The following ANAPC2 variants were observed in gnomAD, a reference collection of about 807,000 sequenced individuals.
ANAPC2 encodes the protein anaphase-promoting complex subunit 2.
ANAPC2 carries 29 observed loss-of-function variants against 84.3 expected under a neutral mutation model. That is an observed-to-expected ratio of 0.34 (90% CI 0.26 to 0.47). The LOEUF is 0.47. Ranked by LOEUF, ANAPC2 falls within the 20% of genes least tolerant of loss-of-function variation. The pLI is 1.00. For synonymous variants in ANAPC2, 571 were observed against 479.4 expected, an observed-to-expected ratio of 1.19 and a Z score of -2.50; for missense variants, 857 against 1,131.7, an observed-to-expected ratio of 0.76 and a Z score of 3.48.
In ANAPC2 at chr9:137,175,363, G is replaced by T. The variant is rs769984093; in HGVS notation, c.2130C>A (p.Pro710=). The T allele has an allele frequency of 1.9e-6, 3 of 1,611,552 alleles. No individual in the cohort carries two copies. The highest frequency in any genetic ancestry group is 2.5e-6 in the Non-Finnish European group (3 of 1,179,480). Residue 710 remains proline (P), a synonymous_variant, in exon 12 of 13, where the codon CCC becomes CCA. Transcript: ENST00000323927. ...CCTCCTCAATGACAGAGAAGGTGCCGGGGGGCTCCTCACGCAGCACACCCT... is the reference window on the plus strand; with the variant it reads ...CCTCCTCAATGACAGAGAAGGTGCCTGGGGGCTCCTCACGCAGCACACCCT... ...LQQGVLREEP[P]GTFSVIEEER...
At chr9:137,176,051 T>C (rs1336980263) in intron 10 of ANAPC2, 6 of 539,764 alleles carry the variant, frequency 1.1e-5, no homozygotes, top group East Asian at 9.5e-5. Context: ...ATAAGGTGTG[T>C]CCCGAAAAGG....
At chr9:137,179,394 C>T (rs1834292845) in intron 10 of ANAPC2, among the ~76,000 whole-genome samples, 1 of 152,168 alleles carries the variant, frequency 6.6e-6, no homozygotes, top group African/African-American at 2.4e-5. Context: ...AACCCTTCCT[C>T]CCCGAGCTGA....
rs138055967 is a variant in ANAPC2 at position 137,185,069 on chromosome 9, C to T, written c.892G>A (p.Gly298Ser). 4.9e-5 allele frequency: 76 copies of T among 1,549,708 alleles called. No homozygotes were observed. The highest frequency in any genetic ancestry group is 6.1e-5 in the Non-Finnish European group (70 of 1,148,768). Residue 298 changes from glycine (G) to serine (S), a missense_variant, in exon 4 of 13, where the codon GGC (glycine) becomes AGC (serine). Transcript: ENST00000323927. ...EFHKWIERVV[G>S]WLGKVFLQDG... is the part of the protein sequence containing the mutation. ...TGCAGGAACACCTTGCCGAGCCAGC[C>T]GACCACCCGCTCGATCCACTGTCAG...
At position 137,175,906 on chromosome 9, in the gene ANAPC2, T is replaced by C. The variant is rs76069568; in HGVS notation, c.1891-69A>G. On this transcript the variant is annotated intron_variant, in intron 10 of 12. Transcript: ENST00000323927. ...GCTCAGGCCCGTGGGCTCTGCCACC[T>C]GGTACCAGTGAGAAAGGGGCTCCCA... 8.8e-4 allele frequency: 1,318 copies of C among 1,500,488 alleles called. 11 individuals are homozygous for C. The African/African-American group carries it at 0.015, about 17-fold the overall frequency. 92.9% of individuals were successfully genotyped at this position (1,500,488 alleles called of 1,614,324 possible).
At position 137,177,831 on chromosome 9, in the gene ANAPC2, G is replaced by C. The variant is rs554408151; in HGVS notation, c.1891-1994C>G. Among the ~76,000 whole-genome samples the C allele has an allele frequency of 4.1e-4, 62 of 152,322 alleles. 1 individual carries two copies. The highest frequency in any genetic ancestry group is 7.6e-4 in the Non-Finnish European group (52 of 68,028). On this transcript the variant is annotated intron_variant, in intron 10 of 12. Coordinates refer to ENST00000323927, the MANE Select transcript of ANAPC2 (RefSeq NM_013366.4). ...TTCTTCTAAGAGGGAGATAGGAACA[G>C]AGACACGGGGGAACATCACGGGCGA...
Position 137,175,008 on chromosome 9 carries a change from C to T in ANAPC2, c.2403G>A (p.Lys801=). 1 of 1,604,972 alleles carries T rather than the reference C, an allele frequency of 6.2e-7. No homozygotes were observed. The highest frequency in any genetic ancestry group is 1.1e-5 in the South Asian group (1 of 89,466). Residue 801 remains lysine, a synonymous_variant, in exon 13 of 13, where the codon AAG becomes AAA. Transcript: ENST00000323927. Reference sequence around the variant, plus strand: ...AGACGAGCTGCTGGTCCCGCACCTTCTTCTGCAGGTAGCCCTGCAGCTCCT... The same window carrying T: ...AGACGAGCTGCTGGTCCCGCACCTTTTTCTGCAGGTAGCCCTGCAGCTCCT... The part of the protein sequence containing the change: ...DLQELQGYLQ[K]KVRDQQLVYS...
chr9:137,180,100 C>T, intron 10 of ANAPC2, 81 bp downstream of exon 10: 1 of 1,471,018 alleles, frequency 6.8e-7, no homozygotes, highest in Non-Finnish European at 9.2e-7. Flanking sequence ...ACGGGGCAGC[C>T]ACAGGCACCA....
rs750899636 is a variant in ANAPC2 at position 137,188,498 on chromosome 9, C to T, written c.35G>A (p.Ser12Asn). The change falls in exon 1 of 13, where the codon AGC becomes AAC. Residue 12 changes from serine (S) to asparagine (N), a missense_variant. By Grantham distance (46) the Ser-to-Asn change is conservative. This residue lies in a region of ANAPC2 where 428 missense variants were observed against 513.8 expected (regional missense o/e 0.83). Coordinates refer to ENST00000323927, the MANE Select transcript of ANAPC2 (RefSeq NM_013366.4). ...AAAVVVAEGDSDSRPGQELLV... is the reference protein window; with the variant it reads ...AAAVVVAEGDNDSRPGQELLV... ...CAACTCCTGTCCGGGCCGGGAGTCG[C>T]TGTCCCCCTCCGCCACCACAACTGC... 1 of 1,609,730 alleles carries T rather than the reference C, an allele frequency of 6.2e-7. No individual in the cohort carries two copies. The highest frequency in any genetic ancestry group is 1.3e-5 in the African/African-American group (1 of 74,900).
intron 10 of ANAPC2, among the ~76,000 whole-genome samples, chr9:137,177,279 A>G (rs1456287871): frequency 6.6e-6 from 1 of 152,142 alleles, no homozygotes; most frequent in African/African-American, 2.4e-5. Context: ...CCTGGAAGTC[A>G]AGTGGAATTT....
chr9:137,180,635 G>A, intron 8 of ANAPC2, 108 bp from the exon 9 acceptor site: 2 of 1,576,878 alleles, frequency 1.3e-6, no homozygotes, highest in Non-Finnish European at 1.7e-6. Context: ...AGCCTGTGTG[G>A]GCACCCCAAT....
rs975808259 is a variant in ANAPC2, at chr9:137,182,519, G to C, written c.1286+606C>G. ...GTGAGACTCCATCTCAAAAAAAAAAGAAAAAACAAAGAACTGGCTCAGAAG... is the reference window on the plus strand; with the variant it reads ...GTGAGACTCCATCTCAAAAAAAAAACAAAAAACAAAGAACTGGCTCAGAAG... On this transcript the variant is annotated intron_variant, in intron 6 of 12. Transcript: ENST00000323927. Among the ~76,000 whole-genome samples, 6 of 151,890 alleles carry C rather than the reference G, an allele frequency of 4.0e-5. No individual in the cohort carries two copies. In the South Asian group the frequency reaches 1.2e-3, roughly 32 times the overall value.
intron 2 of ANAPC2, 159 bp from the exon 3 acceptor site, chr9:137,186,515 G>C (rs909191247): frequency 7.2e-5 from 81 of 1,119,900 alleles, no homozygotes; most frequent in Non-Finnish European, 9.2e-5. Flanking sequence ...GCTGTGGGGG[G>C]CGGTTGTACC....
intron 6 of ANAPC2, among the ~76,000 whole-genome samples, 158 bp downstream of exon 6, chr9:137,182,967 G>A (rs1834375818): frequency 6.6e-6 from 1 of 152,234 alleles, no homozygotes; most frequent in African/African-American, 2.4e-5. Context: ...CAAGAGGAAA[G>A]GAAAGAGCCT....
intron 2 of ANAPC2, chr9:137,186,601 G>C: frequency 1.9e-6 from 1 of 533,802 alleles, no homozygotes; most frequent in East Asian, 3.0e-5. Flanking sequence ...CCTCTATCCA[G>C]GTAGGGACAC....
At chr9:137,178,927 C>T (rs1350492804) in intron 10 of ANAPC2, among the ~76,000 whole-genome samples, 1 of 152,214 alleles carries the variant, frequency 6.6e-6, no homozygotes. Flanking sequence ...ACACATCGCC[C>T]TGCCCTCCCC....
intron 2 of ANAPC2, chr9:137,186,660 C>T (rs1312333175): frequency 4.8e-6 from 2 of 416,602 alleles, no homozygotes; most frequent in Admixed American, 3.8e-5. Flanking sequence ...GTCGGGGGCC[C>T]TAGCCTTATC....
chr9:137,188,279 G>T (rs1834523581), intron 1 of ANAPC2, 137 bp downstream of exon 1: 2 of 1,293,626 alleles, frequency 1.5e-6, no homozygotes, highest in Non-Finnish European at 2.1e-6. Context: ...AAACGAAACG[G>T]AAAGGTGGTG....
At chr9:137,186,869 G>A (rs2131342169) in intron 2 of ANAPC2, 1 of 163,512 alleles carries the variant, frequency 6.1e-6, no homozygotes, top group Admixed American at 5.7e-5. Flanking sequence ...CCTGACCCCT[G>A]CCAGCAAAAG....
chr9:137,188,371 C>A (rs764573307), intron 1 of ANAPC2, 45 bp downstream of exon 1: 1 of 1,576,900 alleles, frequency 6.3e-7, no homozygotes, highest in Non-Finnish European at 8.6e-7. Context: ...CGCGTACGGT[C>A]CCGGAAACTC....
Sources: gnomAD v4.1 joint callset for allele counts (sites outside exome capture counted in the v4.1 genomes callset) on GRCh38, gnomAD v4.1.1 for gene constraint, gnomAD v4.1.1 regional missense constraint, MANE v1.5 for transcripts, NCBI Gene and HGNC (gene_info 2026-07-23, HGNC 2026-07-21) for gene names.